Variants in IQGAP2 observed in about 807,000 individuals in gnomAD.
The protein encoded by IQGAP2 is ras GTPase-activating-like protein IQGAP2.
Under a neutral mutation model 201.3 loss-of-function variants are expected in IQGAP2, and 173 were observed. The observed-to-expected ratio is 0.86, with a 90% CI of 0.76 to 0.98. IQGAP2 has a LOEUF of 0.98. Among genes scored for constraint, IQGAP2 ranks in the 50% least tolerant of loss-of-function variants. The probability of loss-of-function intolerance (pLI) is 0.00; values close to 1 mark genes in which losing one functional copy is unlikely to be tolerated. For missense variants in IQGAP2, 1,687 were observed against 1,864.8 expected (o/e 0.90, Z 1.76); for synonymous variants, 675 against 673.9 (o/e 1.00, Z -0.03).
intron 33 of IQGAP2, among the ~76,000 whole-genome samples, chr5:76,700,300 C>A (rs971947546): frequency 6.6e-6 from 1 of 152,088 alleles, no homozygotes; most frequent in Non-Finnish European, 1.5e-5. Context: ...ATTAAGAGTA[C>A]CAGCCTCACC....
chr5:76,506,336 C>T (rs1757604016), intron 2 of IQGAP2, among the ~76,000 whole-genome samples: 1 of 152,216 alleles, frequency 6.6e-6, no homozygotes, highest in African/African-American at 2.4e-5. Flanking sequence ...CAGTAAGCTT[C>T]TTGCTTCCAA....
intron 15 of IQGAP2, among the ~76,000 whole-genome samples, chr5:76,633,921 A>G (rs1482162507): frequency 6.6e-6 from 1 of 152,074 alleles, no homozygotes; most frequent in African/African-American, 2.4e-5. Context: ...TTACCCAGCC[A>G]TCAACTGATG....
At chr5:76,562,168 G>A (rs2150254169) in intron 2 of IQGAP2, among the ~76,000 whole-genome samples, 1 of 152,332 alleles carries the variant, frequency 6.6e-6, no homozygotes, top group South Asian at 2.1e-4. Context: ...GACGAGCTCT[G>A]GCATGGGAGT....
rs186480604 is a variant in IQGAP2 at position 76,453,968 on chromosome 5, T to C, written c.47-7602T>C. Among the ~76,000 whole-genome samples, 255 of 152,350 alleles carry C rather than the reference T, an allele frequency of 1.7e-3. 1 individual carries two copies. Among genetic ancestry groups the C allele is most frequent in the Non-Finnish European group, 2.5e-3 (169 of 68,032 alleles). On this transcript the variant is annotated intron_variant, in intron 1 of 35. Coordinates refer to ENST00000274364, the MANE Select transcript of IQGAP2 (RefSeq NM_006633.5). ...TAAATTGGCCTTGGAAACTTGACAC[T>C]TCATTCTTTCTTACTGAGATCTGTA...
intron 1 of IQGAP2, among the ~76,000 whole-genome samples, chr5:76,438,706 G>C (rs1296656056): frequency 6.6e-6 from 1 of 152,148 alleles, no homozygotes; most frequent in South Asian, 2.1e-4. Context: ...GCCTCCCAAA[G>C]TGCTGTGATT....
chr5:76,706,504 C>T (rs564472484), intron 35 of IQGAP2, among the ~76,000 whole-genome samples: 2 of 152,134 alleles, frequency 1.3e-5, no homozygotes, highest in Admixed American at 6.5e-5. Flanking sequence ...TGCACCACCA[C>T]GCCCAGCTAA....
chr5:76,584,134 A>G (rs1746079590), intron 5 of IQGAP2, among the ~76,000 whole-genome samples: 1 of 152,174 alleles, frequency 6.6e-6, no homozygotes, highest in Admixed American at 6.5e-5. Context: ...GGCCTCCCAA[A>G]GTGCTGGGAT....
At chr5:76,511,861 T>C (rs972757484) in intron 2 of IQGAP2, among the ~76,000 whole-genome samples, 1 of 151,970 alleles carries the variant, frequency 6.6e-6, no homozygotes, top group Non-Finnish European at 1.5e-5. Context: ...TTTGTATTTT[T>C]AGTAGAGACG....
chr5:76,699,022 C>T (rs1335133181), intron 33 of IQGAP2, among the ~76,000 whole-genome samples: 2 of 152,098 alleles, frequency 1.3e-5, no homozygotes, highest in South Asian at 2.1e-4. Context: ...TTTAAATGTG[C>T]AATACATTAT....
At chr5:76,620,636 G>T (rs1743121380) in intron 13 of IQGAP2, among the ~76,000 whole-genome samples, 1 of 152,194 alleles carries the variant, frequency 6.6e-6, no homozygotes, top group South Asian at 2.1e-4. Flanking sequence ...ATGATTTATT[G>T]TAGTCTGCAT....
chr5:76,507,274 A>T (rs1561424201), intron 2 of IQGAP2, among the ~76,000 whole-genome samples: 1 of 152,168 alleles, frequency 6.6e-6, no homozygotes, highest in African/African-American at 2.4e-5. Context: ...AGAAAAGATA[A>T]TTTTTTTCAA....
intron 2 of IQGAP2, among the ~76,000 whole-genome samples, chr5:76,532,463 T>C (rs1315716353): frequency 7.2e-6 from 1 of 138,414 alleles, no homozygotes; most frequent in East Asian, 2.4e-4. Context: ...TCTTTTGCCA[T>C]GCTTTCCTGA....
chr5:76,641,006 G>A lies in IQGAP2; in HGVS notation c.1997G>A (p.Arg666His), dbSNP rs768384751. ...IWSASEELLLRFQATSSGPIL... is the reference protein window; with the variant it reads ...IWSASEELLLHFQATSSGPIL... ...TCTGCTTCAGAAGAGTTGCTTCTTC[G>A]CTTTCAAGCCACAAGCTCAGGACCC... Residue 666 changes from arginine to histidine, a missense_variant, in exon 17 of 36, where the codon CGC becomes CAC. Transcript: ENST00000274364. 18 of 1,610,382 alleles carry A rather than the reference G, an allele frequency of 1.1e-5. No homozygotes were observed. The highest frequency in any genetic ancestry group is 6.7e-5 in the African/African-American group (5 of 74,834).
intron 3 of IQGAP2, among the ~76,000 whole-genome samples, chr5:76,564,198 A>G (rs79447703): frequency 0.013 from 1,928 of 152,344 alleles, 37 homozygotes; most frequent in African/African-American, 0.044. Flanking sequence ...AAATGTTTTT[A>G]GAAATTCAGA....
Position 76,697,984 on chromosome 5 carries a change from T to C in IQGAP2, c.4207-3T>C. ...ATATGATACCCCTTACTTGTTGTTT[T>C]AGGATATTCGAAATCAAAGAATCTA... is the stretch of plus-strand genomic sequence containing the variant. On this transcript the variant is annotated splice_polypyrimidine_tract_variant and splice_region_variant and intron_variant, in intron 32 of 35. Transcript: ENST00000274364. 6.2e-7 allele frequency: 1 copy of C among 1,609,148 alleles called. No homozygotes were observed.
At chr5:76,667,198 T>C (rs941780162) in intron 22 of IQGAP2, among the ~76,000 whole-genome samples, 1 of 152,194 alleles carries the variant, frequency 6.6e-6, no homozygotes, top group African/African-American at 2.4e-5. Context: ...GTAAGTTTCC[T>C]TTCTCCTAAT....
intron 1 of IQGAP2, among the ~76,000 whole-genome samples, chr5:76,427,292 T>C (rs1752065546): frequency 6.6e-6 from 1 of 152,206 alleles, no homozygotes; most frequent in African/African-American, 2.4e-5. Context: ...TGTGAAGCTG[T>C]GTGTTGCCTG....
chr5:76,589,051 T>A (rs912767661), intron 6 of IQGAP2, 78 bp downstream of exon 6: 14 of 945,754 alleles, frequency 1.5e-5, no homozygotes, highest in South Asian at 4.1e-5. Context: ...TGGTGGCTCA[T>A]GCCTGTAATC....
At chr5:76,423,813 A>G (rs181714548) in intron 1 of IQGAP2, among the ~76,000 whole-genome samples, 17 of 152,336 alleles carry the variant, frequency 1.1e-4, no homozygotes, top group Non-Finnish European at 1.5e-5. Flanking sequence ...ATCACTGTTT[A>G]GAAGAAAGTA....
Sources: allele counts gnomAD v4.1 joint callset (sites outside exome capture counted in the v4.1 genomes callset), GRCh38; gene constraint gnomAD v4.1.1; transcripts MANE v1.5; gene names NCBI Gene and HGNC (gene_info 2026-07-23, HGNC 2026-07-21).